COBLL1: variants seen among roughly 807,000 people sequenced by gnomAD.
COBLL1 encodes cordon-bleu WH2 repeat protein like 1.
COBLL1 carries 50 observed loss-of-function variants against 94.8 expected under a neutral mutation model. The ratio of observed to expected loss-of-function variants is 0.53; its 90% CI spans 0.42 to 0.67. COBLL1 has a LOEUF of 0.67. Ranked by LOEUF, COBLL1 falls within the 30% of genes least tolerant of loss-of-function variation. The pLI, the probability that COBLL1 is intolerant of heterozygous loss-of-function variation, is 0.00. For synonymous variants in COBLL1, 448 were observed against 473.8 expected, an observed-to-expected ratio of 0.95 and a Z score of 0.71; for missense variants, 1,362 against 1,348.7, an observed-to-expected ratio of 1.01 and a Z score of -0.15.
At chr2:164,756,883 T>C (rs1687438070) in intron 2 of COBLL1, among the ~76,000 whole-genome samples, 1 of 152,206 alleles carries the variant, frequency 6.6e-6, no homozygotes, top group Non-Finnish European at 1.5e-5. Context: ...AATTAGTTAT[T>C]AGGTCATTTG....
At chr2:164,820,960 T>G (rs1212558037) in intron 2 of COBLL1, among the ~76,000 whole-genome samples, 1 of 152,214 alleles carries the variant, frequency 6.6e-6, no homozygotes, top group Non-Finnish European at 1.5e-5. Flanking sequence ...TGATCTTGTC[T>G]CAATGCAACC....
intron 4 of COBLL1, 22 bp from the exon 5 acceptor site, chr2:164,728,219 T>C: frequency 3.4e-6 from 5 of 1,466,558 alleles, no homozygotes; most frequent in Non-Finnish European, 4.8e-6. Context: ...ATTAAAGCCA[T>C]AGTTGTACCA....
intron 7 of COBLL1, among the ~76,000 whole-genome samples, chr2:164,712,339 G>C (rs1381397196): frequency 1.3e-5 from 2 of 152,108 alleles, no homozygotes; most frequent in Non-Finnish European, 2.9e-5. Context: ...AATAGAATCT[G>C]TTGGTTCTGT....
downstream of COBLL1, among the ~76,000 whole-genome samples, chr2:164,676,229 T>G (rs894504729): frequency 6.6e-6 from 1 of 152,206 alleles, no homozygotes; most frequent in African/African-American, 2.4e-5. Flanking sequence ...TTCTTTAATC[T>G]TTTTAGCTGG....
chr2:164,727,039 T>C lies in COBLL1; in HGVS notation c.661+930A>G, dbSNP rs1685752522. On this transcript the variant is annotated intron_variant, in intron 5 of 13. Coordinates refer to ENST00000652658, the MANE Select transcript of COBLL1 (RefSeq NM_001365672.2). ...TAGTGATGTTAAGAAAGGGTAAAAT[T>C]AGAAGCTTAATTTCAATATATCCAA... 4 of 807,946 alleles carry C rather than the reference T, an allele frequency of 5.0e-6. No individual in the cohort carries two copies. The African/African-American group carries it at 7.0e-5, about 14-fold the overall frequency. The allele number at this position is 807,946 out of a possible 1,614,324, so 50.0% of individuals were successfully genotyped here.
chr2:164,752,592 C>G (rs986073232), intron 2 of COBLL1, among the ~76,000 whole-genome samples: 3 of 152,074 alleles, frequency 2.0e-5, no homozygotes, highest in Non-Finnish European at 4.4e-5. Context: ...AAGAAATTTG[C>G]CCAAAAGCAC....
At chr2:164,781,194 CT>C (rs2105275245) in intron 2 of COBLL1, among the ~76,000 whole-genome samples, 1 of 152,284 alleles carries the variant, frequency 6.6e-6, no homozygotes, top group African/African-American at 2.4e-5. Flanking sequence ...CATTTATCTT[CT>C]TTACATTGAT....
chr2:164,837,458 C>G (rs1051035989), intron 2 of COBLL1: 25 of 465,618 alleles, frequency 5.4e-5, no homozygotes, highest in Admixed American at 5.2e-4. Context: ...TCCAATGCAG[C>G]ATTTCAATTT....
At chr2:164,790,156 G>A (rs1683112994) in intron 2 of COBLL1, among the ~76,000 whole-genome samples, 1 of 152,160 alleles carries the variant, frequency 6.6e-6, no homozygotes, top group Non-Finnish European at 1.5e-5. Context: ...CCTCATGTCT[G>A]CATGGGTTTT....
chr2:164,729,649 GA>G (rs1405549281), intron 4 of COBLL1, among the ~76,000 whole-genome samples: 13 of 152,052 alleles, frequency 8.5e-5, no homozygotes. Context: ...CTTTTTAAAA[GA>G]GTAGCTTAAA....
intron 2 of COBLL1, among the ~76,000 whole-genome samples, chr2:164,805,333 C>A (rs370083350): frequency 0.31 from 5,837 of 18,644 alleles, 730 homozygotes; most frequent in African/African-American, 0.43. Flanking sequence ...CTCTCTCTCT[C>A]TCTCTATATA....
chr2:164,658,534 T>C lies in COBLL1; in HGVS notation n.182-4620A>G, dbSNP rs956782595. Among the ~76,000 whole-genome samples, 7 of 152,272 alleles carry C rather than the reference T, an allele frequency of 4.6e-5. No individual in the cohort carries two copies. The South Asian group carries it at 8.3e-4, about 18-fold the overall frequency. Reference sequence around the variant, plus strand: ...AAACTTAACAAGGAGGTTAAAGATATAGGGATTGAAATGTATGGCCTGCAG... The same window carrying C: ...AAACTTAACAAGGAGGTTAAAGATACAGGGATTGAAATGTATGGCCTGCAG... On this transcript the variant is annotated intron_variant and non_coding_transcript_variant, in intron 2 of 2. Transcript: ENST00000495084.
chr2:164,709,415 G>A (rs1421663691), intron 7 of COBLL1, among the ~76,000 whole-genome samples: 2 of 152,078 alleles, frequency 1.3e-5, no homozygotes, highest in Non-Finnish European at 2.9e-5. Context: ...TTGAATTAAA[G>A]AGGCTAAGAA....
intron 2 of COBLL1, among the ~76,000 whole-genome samples, chr2:164,762,696 CT>C (rs71028440): frequency 4.1e-3 from 545 of 132,732 alleles, no homozygotes; most frequent in African/African-American, 0.011. Context: ...GCCTATCATC[CT>C]TTTTTTTTTT....
intron 2 of COBLL1, chr2:164,772,084 G>A (rs1007919727): frequency 4.6e-5 from 7 of 151,904 alleles, no homozygotes; most frequent in African/African-American, 1.7e-4. Context: ...TTATAGTCTC[G>A]ATCATCTAAC....
At chr2:164,735,903 G>C (rs1686278965) in intron 3 of COBLL1, among the ~76,000 whole-genome samples, 1 of 152,118 alleles carries the variant, frequency 6.6e-6, no homozygotes, top group Non-Finnish European at 1.5e-5. Context: ...AAGTGGAAAA[G>C]GATTGGATGA....
Position 164,841,353 on chromosome 2 carries a change from C to A in COBLL1, c.-50-107G>T. ...CCGCCCGAGCCGCTCCAGCCCCGGC[C>A]GGCCCGCCTCCCGGGTGCGCTTCCA... On this transcript the variant is annotated intron_variant, in intron 1 of 13. Coordinates refer to ENST00000652658, the MANE Select transcript of COBLL1 (RefSeq NM_001365672.2). The surrounding 1 kb of genome is among the most constrained non-coding windows in gnomAD (Gnocchi z 5.5). 8.4e-7 allele frequency: 1 copy of A among 1,193,502 alleles called. No individual in the cohort carries two copies. The allele number at this position is 1,193,502 out of a possible 1,614,324, so 73.9% of individuals were successfully genotyped here. A position where few individuals can be genotyped will look rare whatever the true frequency, so the allele number is the denominator to read the frequency against.
chr2:164,708,605 C>G (rs75538334), intron 7 of COBLL1, among the ~76,000 whole-genome samples: 3,189 of 152,222 alleles, frequency 0.021, 69 homozygotes, highest in African/African-American at 0.056. Flanking sequence ...CCCAAAAGAA[C>G]ATGGCCCTTC....
chr2:164,805,989 T>G (rs1448865115), intron 2 of COBLL1, among the ~76,000 whole-genome samples: 1 of 152,184 alleles, frequency 6.6e-6, no homozygotes, highest in Non-Finnish European at 1.5e-5. Context: ...CAGCATTTGG[T>G]GTCGTCCATG....
Sources: gnomAD v4.1 joint callset for allele counts (sites outside exome capture counted in the v4.1 genomes callset) on GRCh38, gnomAD v4.1.1 for gene constraint, Gnocchi (gnomAD v3.1) non-coding constraint, MANE v1.5 for transcripts, NCBI Gene and HGNC (gene_info 2026-07-23, HGNC 2026-07-21) for gene names.